Variants in CACNA1E observed in about 807,000 individuals in gnomAD.
CACNA1E encodes the protein calcium voltage-gated channel subunit alpha1 E, also known as voltage-dependent R-type calcium channel subunit alpha-1E.
In CACNA1E, 40 loss-of-function variants were observed where a neutral mutation model predicts 259.2. The observed-to-expected ratio is 0.15, with a 90% CI of 0.12 to 0.20. The LOEUF is 0.20. Ranked by LOEUF, CACNA1E falls within the 10% of genes least tolerant of loss-of-function variation. The probability of loss-of-function intolerance (pLI) is 1.00; values close to 1 mark genes in which losing one functional copy is unlikely to be tolerated. For missense variants in CACNA1E, 1,874 were observed against 3,040.1 expected, an observed-to-expected ratio of 0.62 and a Z score of 9.02; for synonymous variants, 1,104 against 1,138.5, an observed-to-expected ratio of 0.97 and a Z score of 0.61.
intron 1 of CACNA1E, among the ~76,000 whole-genome samples, chr1:181,390,528 A>G (rs183037618): frequency 6.6e-6 from 1 of 152,120 alleles, no homozygotes; most frequent in Non-Finnish European, 1.5e-5. Flanking sequence ...GGTCAGTGAC[A>G]GCTGCCCGTA....
At chr1:181,482,091 G>C (rs1389738711), upstream of CACNA1E, among the ~76,000 whole-genome samples, 1 of 152,220 alleles carries the variant, frequency 6.6e-6, no homozygotes, top group Non-Finnish European at 1.5e-5. Context: ...AACCCCCAGA[G>C]GTCCTAGCCT....
intron 7 of CACNA1E, among the ~76,000 whole-genome samples, chr1:181,684,844 A>G (rs1315859598): frequency 6.9e-6 from 1 of 144,456 alleles, no homozygotes; most frequent in African/African-American, 2.5e-5. Flanking sequence ...TTCAAGATGG[A>G]TGTTCTTCCT....
At chr1:181,410,927 CT>C (rs1340837803) in intron 1 of CACNA1E, among the ~76,000 whole-genome samples, 2 of 152,180 alleles carry the variant, frequency 1.3e-5, no homozygotes, top group Admixed American at 1.3e-4. Context: ...TGGAGGGCAA[CT>C]TTCTGGGAGG....
chr1:181,530,070 G>A (rs900542311), intron 3 of CACNA1E, among the ~76,000 whole-genome samples: 2 of 152,186 alleles, frequency 1.3e-5, no homozygotes, highest in African/African-American at 4.8e-5. Context: ...CACATGTTGT[G>A]GGAGGGACCC....
chr1:181,614,239 G>A (rs2103124355), intron 6 of CACNA1E, among the ~76,000 whole-genome samples: 1 of 152,138 alleles, frequency 6.6e-6, no homozygotes, highest in South Asian at 2.1e-4. Context: ...TGATCCACAT[G>A]TTGGATTCAT....
chr1:181,531,354 C>A (rs915330696), intron 3 of CACNA1E, among the ~76,000 whole-genome samples: 3 of 152,196 alleles, frequency 2.0e-5, no homozygotes, highest in African/African-American at 7.2e-5. Flanking sequence ...ATTTTCCCTC[C>A]ATCAGCAGGC....
At chr1:181,726,283 T>C (rs1188766854) in intron 18 of CACNA1E, 121 bp downstream of exon 18, 2 of 675,398 alleles carry the variant, frequency 3.0e-6, no homozygotes, top group Non-Finnish European at 5.2e-6. Context: ...TTCCTGAGAA[T>C]ACAGCAGTGA....
At chr1:181,766,525 T>C in intron 34 of CACNA1E, 21 bp from the exon 35 acceptor site, 1 of 1,593,738 alleles carries the variant, frequency 6.3e-7, no homozygotes, top group East Asian at 2.2e-5. Flanking sequence ...GATTAACGTC[T>C]TATCTCTGCT....
chr1:181,576,804 T>C (rs1651022040), intron 3 of CACNA1E, among the ~76,000 whole-genome samples: 1 of 152,230 alleles, frequency 6.6e-6, no homozygotes, highest in African/African-American at 2.4e-5. Flanking sequence ...TTAGCCACAA[T>C]GTCTGTGTGT....
intron 6 of CACNA1E, among the ~76,000 whole-genome samples, chr1:181,612,481 A>C (rs1406067151): frequency 1.3e-5 from 2 of 152,164 alleles, no homozygotes; most frequent in Non-Finnish European, 2.9e-5. Flanking sequence ...GTCAGGGCTG[A>C]TCAATCAGGT....
intron 1 of CACNA1E, among the ~76,000 whole-genome samples, chr1:181,339,596 G>A (rs1408453430): frequency 6.6e-6 from 1 of 151,958 alleles, no homozygotes; most frequent in Non-Finnish European, 1.5e-5. Flanking sequence ...AAATTGTAGA[G>A]TTTATTCATC....
rs573414062 is a variant in CACNA1E at position 181,790,640 on chromosome 1, C to T, written c.5898+84C>T. On this transcript the variant is annotated intron_variant, in intron 44 of 47. Transcript: ENST00000367573. ...CTAATTTTATTACATAGTCATGGTC[C>T]GTCAGGAAAATCCATTCTAGTAGTT... 8.0e-5 allele frequency: 73 copies of T among 907,074 alleles called. No homozygotes were observed. The African/African-American group carries it at 8.7e-4, about 11-fold the overall frequency. The allele number at this position is 907,074 out of a possible 1,614,324, so 56.2% of individuals were successfully genotyped here.
chr1:181,682,357 G>C (rs1650061404), intron 7 of CACNA1E, among the ~76,000 whole-genome samples: 1 of 152,192 alleles, frequency 6.6e-6, no homozygotes, highest in African/African-American at 2.4e-5. Context: ...TAGAAGGAAT[G>C]CTGACTATCT....
intron 2 of CACNA1E, among the ~76,000 whole-genome samples, chr1:181,431,153 A>G (rs1168505639): frequency 6.6e-6 from 1 of 152,236 alleles, no homozygotes; most frequent in African/African-American, 2.4e-5. Context: ...AGTAAAACAA[A>G]AGGTAAATTG....
Position 181,352,588 on chromosome 1 carries a change from G to A in CACNA1E, c.-15+34465G>A, listed in dbSNP as rs796169520. Among the ~76,000 whole-genome samples the A allele has an allele frequency of 8.5e-5, 13 of 152,274 alleles. 1 individual carries two copies. Among genetic ancestry groups the A allele is most frequent in the African/African-American group, 3.1e-4 (13 of 41,560 alleles). The stretch of plus-strand genomic sequence containing the variant: ...ACAAGAATAAATTTGAATAATTAAT[G>A]CATTGGTCTCTCTCTTCACCGCCTC... On this transcript the variant is annotated intron_variant, in intron 1 of 11. Transcript: ENST00000524607.
rs1572928715 is a variant in CACNA1E, at chr1:181,800,022, C to T, written c.*1188C>T. On this transcript the variant is annotated 3_prime_UTR_variant, in exon 48 of 48. Coordinates refer to ENST00000367573, the MANE Select transcript of CACNA1E (RefSeq NM_001205293.3). Reference sequence around the variant, plus strand: ...GAACACACATATCCAAGTAGGCTACCCACCACTGGGTAGGGATTTCTGTAA... The same window carrying T: ...GAACACACATATCCAAGTAGGCTACTCACCACTGGGTAGGGATTTCTGTAA... 6.6e-6 allele frequency: 1 copy of T among 152,478 alleles called. No homozygotes were observed. Among genetic ancestry groups the T allele is most frequent in the African/African-American group, 2.4e-5 (1 of 41,440 alleles). 9.4% of individuals were successfully genotyped at this position (152,478 alleles called of 1,614,324 possible).
intron 8 of CACNA1E, 147 bp downstream of exon 8, chr1:181,711,216 G>A (rs1026433769): frequency 1.3e-5 from 8 of 632,330 alleles, no homozygotes. Flanking sequence ...AAGGTTCCCT[G>A]CTCATCCGAC....
chr1:181,380,950 G>C (rs531968421), intron 1 of CACNA1E, among the ~76,000 whole-genome samples: 1 of 152,192 alleles, frequency 6.6e-6, no homozygotes, highest in Admixed American at 6.5e-5. Context: ...GGTGGATCAC[G>C]AGGTCGGGAG....
At chr1:181,404,799 C>T (rs1013176360) in intron 1 of CACNA1E, among the ~76,000 whole-genome samples, 1 of 152,178 alleles carries the variant, frequency 6.6e-6, no homozygotes, top group East Asian at 1.9e-4. Flanking sequence ...TGGAATCTGA[C>T]CAGAAGGGGC....
Sources: gnomAD v4.1 joint callset for allele counts (sites outside exome capture counted in the v4.1 genomes callset) on GRCh38, gnomAD v4.1.1 for gene constraint, MANE v1.5 for transcripts, NCBI Gene and HGNC (gene_info 2026-07-23, HGNC 2026-07-21) for gene names.